Variants in KCTD16 observed in about 807,000 individuals in gnomAD.
KCTD16 encodes the protein BTB/POZ domain-containing protein KCTD16.
KCTD16 carries 13 observed loss-of-function variants against 33.2 expected under a neutral mutation model. That is an observed-to-expected ratio of 0.39 (90% CI 0.25 to 0.62). The LOEUF (loss-of-function observed/expected upper bound fraction) is 0.62, where lower values mean the gene tolerates loss of function less well. Ranked by LOEUF, KCTD16 falls within the 20% of genes least tolerant of loss-of-function variation. The pLI, the probability that KCTD16 is intolerant of heterozygous loss-of-function variation, is 0.50. For synonymous variants in KCTD16, 197 were observed against 195.3 expected (o/e 1.01, Z -0.07); for missense variants, 441 against 525.1 (o/e 0.84, Z 1.57).
intron 3 of KCTD16, 126 bp downstream of exon 3, chr5:144,207,672 G>A (rs117855667): frequency 4.0e-6 from 3 of 747,048 alleles, no homozygotes; most frequent in East Asian, 5.3e-5. Flanking sequence ...TTGAGTTGTA[G>A]TTAGAGGATT....
At chr5:144,260,736 G>T (rs2398722) in intron 3 of KCTD16, among the ~76,000 whole-genome samples, 32,496 of 151,672 alleles carry the variant, frequency 0.21, 3,895 homozygotes, top group Non-Finnish European at 0.28. Context: ...ATGGTTGCCT[G>T]TTTTTTTTGT....
At chr5:144,262,578 A>C (rs968303293) in intron 3 of KCTD16, among the ~76,000 whole-genome samples, 1 of 152,242 alleles carries the variant, frequency 6.6e-6, no homozygotes, top group Non-Finnish European at 1.5e-5. Context: ...TTGAAGAAAC[A>C]TAAGTAGGAA....
Position 144,175,403 on chromosome 5 carries a change from A to G in KCTD16, c.-327+931A>G, listed in dbSNP as rs75593038. ...AAAAGTCAATAATTCTGATTAATATACTAATTTATCTAAAATGCGATTACT... is the reference window on the plus strand; with the variant it reads ...AAAAGTCAATAATTCTGATTAATATGCTAATTTATCTAAAATGCGATTACT... On this transcript the variant is annotated intron_variant, in intron 2 of 3. Coordinates refer to ENST00000512467, the MANE Select transcript of KCTD16 (RefSeq NM_020768.4). 4.2e-3 allele frequency among the ~76,000 whole-genome samples: 643 copies of G among 152,342 alleles called. 26 individuals carry two copies. The East Asian group carries it at 0.097, about 23-fold the overall frequency.
chr5:144,445,751 C>A (rs889864999), intron 3 of KCTD16, among the ~76,000 whole-genome samples: 4 of 149,460 alleles, frequency 2.7e-5, no homozygotes, highest in Admixed American at 6.7e-5. Flanking sequence ...TTTTTTGTTT[C>A]ATTATGGTCT....
At chr5:144,422,063 A>G (rs1391036307) in intron 3 of KCTD16, among the ~76,000 whole-genome samples, 1 of 152,172 alleles carries the variant, frequency 6.6e-6, no homozygotes, top group Non-Finnish European at 1.5e-5. Context: ...TACTTATCAC[A>G]TACTCTGACT....
At chr5:144,248,185 G>C (rs1754601719) in intron 3 of KCTD16, among the ~76,000 whole-genome samples, 1 of 152,216 alleles carries the variant, frequency 6.6e-6, no homozygotes, top group Non-Finnish European at 1.5e-5. Context: ...TTGAGAAAGG[G>C]AGAGTAGGGG....
At chr5:144,306,848 C>T (rs1318222238) in intron 3 of KCTD16, among the ~76,000 whole-genome samples, 2 of 152,162 alleles carry the variant, frequency 1.3e-5, no homozygotes, top group African/African-American at 2.4e-5. Context: ...GAGTTTCTTC[C>T]TCCTGGGAAC....
chr5:144,314,882 C>T (rs1414783373), intron 3 of KCTD16, among the ~76,000 whole-genome samples: 1 of 152,082 alleles, frequency 6.6e-6, no homozygotes, highest in Non-Finnish European at 1.5e-5. Context: ...CACATCTTTG[C>T]CTATATTTAC....
chr5:144,179,000 G>A (rs557873057), intron 2 of KCTD16, among the ~76,000 whole-genome samples: 13 of 152,238 alleles, frequency 8.5e-5, no homozygotes, highest in South Asian at 4.1e-4. Context: ...AACACCCCTC[G>A]TTTAACTGGC....
chr5:144,399,769 G>C (rs926520134), intron 3 of KCTD16, among the ~76,000 whole-genome samples: 8 of 152,050 alleles, frequency 5.3e-5, no homozygotes, highest in African/African-American at 1.9e-4. Context: ...CTCATCCTCT[G>C]CCCTTCTGGA....
chr5:144,273,612 G>A (rs1281563858), intron 3 of KCTD16, among the ~76,000 whole-genome samples: 2 of 152,054 alleles, frequency 1.3e-5, no homozygotes, highest in African/African-American at 4.8e-5. Context: ...ATGTAATTCT[G>A]ACACATGATA....
At chr5:144,368,508 G>T (rs1580907488) in intron 3 of KCTD16, among the ~76,000 whole-genome samples, 1 of 152,128 alleles carries the variant, frequency 6.6e-6, no homozygotes, top group South Asian at 2.1e-4. Context: ...ACTCAGACCA[G>T]TAGCCACAAG....
intron 3 of KCTD16, among the ~76,000 whole-genome samples, chr5:144,322,210 G>GTA (rs1230393927): frequency 6.6e-6 from 1 of 152,056 alleles, no homozygotes; most frequent in African/African-American, 2.4e-5. Context: ...TTGATAGGTA[G>GTA]GCAGAAGAGA....
chr5:144,277,589 C>G (rs577805316), intron 3 of KCTD16, among the ~76,000 whole-genome samples: 1 of 152,266 alleles, frequency 6.6e-6, no homozygotes, highest in East Asian at 1.9e-4. Context: ...CCAGCATTAT[C>G]AATGTGATTT....
intron 3 of KCTD16, among the ~76,000 whole-genome samples, chr5:144,317,549 G>A (rs1363984906): frequency 2.6e-5 from 4 of 152,142 alleles, no homozygotes; most frequent in Non-Finnish European, 4.4e-5. Context: ...TCTATAAGGT[G>A]CCATATAAGC....
At chr5:144,465,194 T>A (rs111332241) in intron 3 of KCTD16, among the ~76,000 whole-genome samples, 1 of 49,532 alleles carries the variant, frequency 2.0e-5, no homozygotes, top group Non-Finnish European at 4.1e-5. Flanking sequence ...CCCCCCTCTC[T>A]CTCTCACTCT....
At chr5:144,291,139 C>A (rs1755886164) in intron 3 of KCTD16, among the ~76,000 whole-genome samples, 1 of 152,150 alleles carries the variant, frequency 6.6e-6, no homozygotes. Flanking sequence ...GTGCCCTGAG[C>A]TGATGGAGCA....
At chr5:144,402,006 A>G (rs1306229704) in intron 3 of KCTD16, among the ~76,000 whole-genome samples, 1 of 152,234 alleles carries the variant, frequency 6.6e-6, no homozygotes, top group Non-Finnish European at 1.5e-5. Flanking sequence ...GTGAGACAAC[A>G]GAGAAGGTGC....
intron 3 of KCTD16, among the ~76,000 whole-genome samples, chr5:144,246,935 C>G (rs1343161352): frequency 6.6e-6 from 1 of 152,200 alleles, no homozygotes. Flanking sequence ...CTCAGCAACA[C>G]CTGTCAACAG....
Sources: gnomAD v4.1 joint callset for allele counts (sites outside exome capture counted in the v4.1 genomes callset) on GRCh38, gnomAD v4.1.1 for gene constraint, MANE v1.5 for transcripts, NCBI Gene and HGNC (gene_info 2026-07-23, HGNC 2026-07-21) for gene names.